STAG1: variants seen among roughly 807,000 people sequenced by gnomAD.
STAG1 encodes cohesin subunit SA-1.
A neutral mutation model predicts 170.9 loss-of-function variants in STAG1; 26 were observed. The observed-to-expected ratio is 0.15, with a 90% CI of 0.11 to 0.21. STAG1 has a LOEUF of 0.21. Among genes scored for constraint, STAG1 ranks in the 10% least tolerant of loss-of-function variants. The probability of loss-of-function intolerance (pLI) is 1.00; values close to 1 mark genes in which losing one functional copy is unlikely to be tolerated. For missense variants in STAG1, 964 were observed against 1,509.5 expected (o/e 0.64, Z 5.99); for synonymous variants, 514 against 497.7 (o/e 1.03, Z -0.44).
intron 1 of STAG1, among the ~76,000 whole-genome samples, chr3:136,699,584 C>A (rs1942989713): frequency 6.6e-6 from 1 of 151,594 alleles, no homozygotes; most frequent in African/African-American, 2.4e-5. Flanking sequence ...TGGGGTTTCA[C>A]CACATTCTGG....
chr3:136,559,971 C>G (rs1210433693), intron 5 of STAG1, among the ~76,000 whole-genome samples: 2 of 152,162 alleles, frequency 1.3e-5, no homozygotes, highest in African/African-American at 4.8e-5. Flanking sequence ...TTGTGAGGAC[C>G]TAAATAAATA....
intron 14 of STAG1, among the ~76,000 whole-genome samples, chr3:136,443,944 T>C (rs1177370256): frequency 6.6e-6 from 1 of 152,210 alleles, no homozygotes; most frequent in African/African-American, 2.4e-5. Flanking sequence ...CCATTTTCTG[T>C]TGGTCATTAT....
At chr3:136,561,968 A>C (rs1359804326) in intron 5 of STAG1, among the ~76,000 whole-genome samples, 1 of 152,164 alleles carries the variant, frequency 6.6e-6, no homozygotes, top group East Asian at 1.9e-4. Flanking sequence ...CTTCATATAC[A>C]GATGCATTTG....
chr3:136,414,728 A>G (rs2087724965), intron 21 of STAG1, among the ~76,000 whole-genome samples: 1 of 152,232 alleles, frequency 6.6e-6, no homozygotes, highest in Non-Finnish European at 1.5e-5. Context: ...TATGGCAGCC[A>G]CAAGGCTTAT....
At chr3:136,365,985 C>A (rs1937059509) in intron 25 of STAG1, among the ~76,000 whole-genome samples, 1 of 151,694 alleles carries the variant, frequency 6.6e-6, no homozygotes, top group African/African-American at 2.4e-5. Flanking sequence ...ACTCTGTTTA[C>A]ACATTAGCTT....
chr3:136,352,608 G>T (rs928841639), intron 28 of STAG1, among the ~76,000 whole-genome samples: 1 of 152,102 alleles, frequency 6.6e-6, no homozygotes, highest in African/African-American at 2.4e-5. Flanking sequence ...AACTTACAAT[G>T]CTTTGACTTA....
intron 9 of STAG1, among the ~76,000 whole-genome samples, chr3:136,490,874 T>C (rs193019861): frequency 6.6e-6 from 1 of 152,338 alleles, no homozygotes; most frequent in Non-Finnish European, 1.5e-5. Context: ...GCCTAACAAC[T>C]TTGTTATTCT....
rs1359477133 is a variant in STAG1 at position 136,463,434 on chromosome 3, TAAG to T, written c.1313+1444_1313+1446del. 6.6e-5 allele frequency among the ~76,000 whole-genome samples: 10 copies of T among 152,278 alleles called. No individual in the cohort carries two copies. The East Asian group carries it at 1.2e-3, about 18-fold the overall frequency. On this transcript the variant is annotated intron_variant, in intron 13 of 33. Transcript: ENST00000383202. Reference sequence around the variant, plus strand: ...CATGATTTATAGTTGTACTTCAGCATAAGAAGAAGTTAGAATACATAATAAACT... The same window carrying T: ...CATGATTTATAGTTGTACTTCAGCATAAGAAGTTAGAATACATAATAAACT...
chr3:136,418,652 T>G (rs2087853604), intron 20 of STAG1, among the ~76,000 whole-genome samples: 1 of 151,924 alleles, frequency 6.6e-6, no homozygotes, highest in African/African-American at 2.4e-5. Context: ...AGTATTTTTT[T>G]TTTTTAAAAG....
chr3:136,405,310 CGGCTCACTGCAACCTCCATCTCCCA>C lies in STAG1; in HGVS notation c.2197-6506_2197-6482del, dbSNP rs2087449874. Reference sequence around the variant, plus strand: ...AGGCTGGAGTGCAGTGGCATGATCTCGGCTCACTGCAACCTCCATCTCCCAGGTTCAGTGAATTCTTGTGCATCAG... The same window carrying C: ...AGGCTGGAGTGCAGTGGCATGATCTCGGTTCAGTGAATTCTTGTGCATCAG... On this transcript the variant is annotated intron_variant, in intron 21 of 33. Transcript: ENST00000383202. Among the ~76,000 whole-genome samples, 6 of 133,562 alleles carry C rather than the reference CGGCTCACTGCAACCTCCATCTCCCA, an allele frequency of 4.5e-5. No homozygotes were observed. The South Asian group carries it at 1.5e-3, about 34-fold the overall frequency. The allele number at this position is 133,562 out of a possible 152,430, so 87.6% of individuals were successfully genotyped here.
At chr3:136,354,443 A>G (rs889296187) in intron 28 of STAG1, among the ~76,000 whole-genome samples, 7 of 152,006 alleles carry the variant, frequency 4.6e-5, no homozygotes, top group African/African-American at 1.7e-4. Flanking sequence ...CTTGGATTAC[A>G]GGCATGTGCC....
At chr3:136,343,762 A>G (rs866558008) in intron 30 of STAG1, 70 bp downstream of exon 30, 3 of 1,299,338 alleles carry the variant, frequency 2.3e-6, no homozygotes, top group African/African-American at 1.5e-5. Context: ...ATGAACAAAT[A>G]AAGTTTTTCT....
chr3:136,421,085 T>C lies in STAG1; in HGVS notation c.2108+8A>G. 1 of 1,581,688 alleles carries C rather than the reference T, an allele frequency of 6.3e-7. No individual in the cohort carries two copies. The highest frequency in any genetic ancestry group is 1.1e-5 in the South Asian group (1 of 88,090). ...CTCGTTGCCTTTACTTTAAATAAAA[T>C]AACGTACTTGTGAAAAGAAGTTAAC... On this transcript the variant is annotated splice_region_variant and intron_variant, in intron 20 of 33. Transcript: ENST00000383202.
chr3:136,368,716 GAA>G (rs1309293262), intron 24 of STAG1, among the ~76,000 whole-genome samples: 8 of 152,148 alleles, frequency 5.3e-5, no homozygotes, highest in Non-Finnish European at 1.2e-4. Context: ...AGCTGTTAGA[GAA>G]AGACAGAGCT....
intron 23 of STAG1, among the ~76,000 whole-genome samples, chr3:136,373,871 A>C (rs1480384949): frequency 2.0e-5 from 3 of 152,170 alleles, no homozygotes; most frequent in Non-Finnish European, 4.4e-5. Flanking sequence ...TGCTTGGTGC[A>C]GAGTTGAGTT....
intron 13 of STAG1, among the ~76,000 whole-genome samples, chr3:136,453,547 C>T (rs934309707): frequency 1.3e-5 from 2 of 149,270 alleles, no homozygotes; most frequent in South Asian, 2.1e-4. Flanking sequence ...GCCGAGATCG[C>T]GCCACTGCAC....
chr3:136,469,041 G>T (rs1231041368), intron 12 of STAG1, among the ~76,000 whole-genome samples: 3 of 152,150 alleles, frequency 2.0e-5, no homozygotes, highest in African/African-American at 7.2e-5. Context: ...TACTGAATGG[G>T]CAAAAACTGA....
intron 1 of STAG1, among the ~76,000 whole-genome samples, chr3:136,675,083 TC>T (rs1385994003): frequency 6.6e-6 from 1 of 152,194 alleles, no homozygotes; most frequent in Non-Finnish European, 1.5e-5. Context: ...TAGATGTCCT[TC>T]CAAAGTGTGA....
intron 1 of STAG1, among the ~76,000 whole-genome samples, chr3:136,702,117 GAGAGACAGAGAGAC>G (rs1943094222): frequency 1.1e-4 from 8 of 71,804 alleles, no homozygotes; most frequent in South Asian, 4.5e-4. Flanking sequence ...GAGAGAGAGA[GAGAGACAGAGAGAC>G]AGAGAGACAG....
Sources: gnomAD v4.1 joint callset for allele counts (sites outside exome capture counted in the v4.1 genomes callset) on GRCh38, gnomAD v4.1.1 for gene constraint, MANE v1.5 for transcripts, NCBI Gene and HGNC (gene_info 2026-07-23, HGNC 2026-07-21) for gene names.